The following SLCO3A1 variants were observed in gnomAD, a reference collection of about 807,000 sequenced individuals.
The protein encoded by SLCO3A1 is PGE1 transporter.
In SLCO3A1, 27 loss-of-function variants were observed where a neutral mutation model predicts 63.1. The observed-to-expected ratio is 0.43, with a 90% confidence interval of 0.32 to 0.59. SLCO3A1 has a LOEUF of 0.59. SLCO3A1 is among the 20% of genes least tolerant of loss of function. The probability of loss-of-function intolerance (pLI) is 0.09; values close to 1 mark genes in which losing one functional copy is unlikely to be tolerated. For missense variants in SLCO3A1, 773 were observed against 945.8 expected (o/e 0.82, Z 2.40); for synonymous variants, 473 against 409.9 (o/e 1.15, Z -1.86).
At chr15:92,066,719 C>T (rs540050454) in intron 2 of SLCO3A1, among the ~76,000 whole-genome samples, 10 of 152,316 alleles carry the variant, frequency 6.6e-5, no homozygotes, top group Admixed American at 4.6e-4. Context: ...ACCGCACGGA[C>T]TGTGCTCAGC....
At chr15:92,111,291 T>C (rs1290067346) in intron 4 of SLCO3A1, among the ~76,000 whole-genome samples, 1 of 152,166 alleles carries the variant, frequency 6.6e-6, no homozygotes, top group African/African-American at 2.4e-5. Context: ...TTCTGCTATG[T>C]TTTTCTTAAT....
At chr15:91,890,335 A>G (rs971131454) in intron 1 of SLCO3A1, among the ~76,000 whole-genome samples, 1 of 152,166 alleles carries the variant, frequency 6.6e-6, no homozygotes, top group African/African-American at 2.4e-5. Flanking sequence ...TGTATTTTTA[A>G]GTAAGTTGCC....
chr15:92,139,813 G>A (rs916372514), intron 7 of SLCO3A1, among the ~76,000 whole-genome samples: 3 of 150,696 alleles, frequency 2.0e-5, no homozygotes, highest in Non-Finnish European at 4.4e-5. Flanking sequence ...CTGGGGGATC[G>A]GTGGTGATAT....
chr15:91,995,701 A>G (rs375839241), intron 2 of SLCO3A1, among the ~76,000 whole-genome samples: 7 of 151,800 alleles, frequency 4.6e-5, no homozygotes, highest in African/African-American at 9.7e-5. Context: ...CCCTGGAGGA[A>G]AAAAGTTATA....
intron 2 of SLCO3A1, among the ~76,000 whole-genome samples, chr15:91,929,577 C>T (rs1471402408): frequency 6.6e-6 from 1 of 152,196 alleles, no homozygotes; most frequent in Non-Finnish European, 1.5e-5. Flanking sequence ...AGGTCACCAT[C>T]TTAACCATTT....
chr15:92,105,901 G>T lies in SLCO3A1; in HGVS notation c.1009+1359G>T, dbSNP rs914022473. The stretch of plus-strand genomic sequence containing the variant: ...GAAAGTCTGTTTACTAAACTTCTGT[G>T]TAACAATGTGCGCCTTCTATAGAGA... On this transcript the variant is annotated intron_variant, in intron 4 of 9. Coordinates refer to ENST00000318445, the MANE Select transcript of SLCO3A1 (RefSeq NM_013272.4). Among the ~76,000 whole-genome samples the T allele has an allele frequency of 1.1e-4, 16 of 152,144 alleles. 1 individual carries two copies. Among genetic ancestry groups the T allele is most frequent in the Admixed American group, 1.0e-3 (16 of 15,282 alleles).
At chr15:91,876,772 C>G (rs1030076483) in intron 1 of SLCO3A1, among the ~76,000 whole-genome samples, 9 of 152,226 alleles carry the variant, frequency 5.9e-5, no homozygotes, top group Non-Finnish European at 1.0e-4. Flanking sequence ...TGCACAGCAC[C>G]TCACAGGTGA....
intron 1 of SLCO3A1, among the ~76,000 whole-genome samples, chr15:91,914,657 C>T (rs1021462367): frequency 4.0e-5 from 6 of 151,530 alleles, no homozygotes; most frequent in African/African-American, 1.5e-4. Flanking sequence ...GCAACCGCCG[C>T]CTCCAGGGTT....
At chr15:92,157,033 C>T (rs1483956778) in intron 9 of SLCO3A1, 2 of 152,210 alleles carry the variant, frequency 1.3e-5, no homozygotes, top group East Asian at 3.8e-4. Flanking sequence ...TGTTCTTAAA[C>T]TGTGCAGCAA....
intron 6 of SLCO3A1, among the ~76,000 whole-genome samples, chr15:92,126,994 C>T (rs946200834): frequency 7.2e-5 from 11 of 152,220 alleles, no homozygotes; most frequent in African/African-American, 1.7e-4. Flanking sequence ...AAGCAGACCA[C>T]GAGGCCTGCT....
chr15:92,072,127 G>A (rs1003620644), intron 2 of SLCO3A1, among the ~76,000 whole-genome samples: 2 of 152,012 alleles, frequency 1.3e-5, no homozygotes, highest in African/African-American at 4.8e-5. Context: ...GGATTTGGAT[G>A]GTGCAAAATG....
chr15:91,875,551 C>T lies in SLCO3A1; in HGVS notation c.180+21463C>T, dbSNP rs746489396. On this transcript the variant is annotated intron_variant, in intron 1 of 9. Coordinates refer to ENST00000318445, the MANE Select transcript of SLCO3A1 (RefSeq NM_013272.4). The surrounding 1 kb of genome is among the most constrained non-coding windows in gnomAD (Gnocchi z 4.5). Reference sequence around the variant, plus strand: ...ACCTGCCACAGAGGGCTCTCCTGAGCGTGAAAGGAGTTACTGCCTGGGAAG... The same window carrying T: ...ACCTGCCACAGAGGGCTCTCCTGAGTGTGAAAGGAGTTACTGCCTGGGAAG... Among the ~76,000 whole-genome samples the T allele has an allele frequency of 3.9e-5, 6 of 152,210 alleles. No individual in the cohort carries two copies. Among genetic ancestry groups the T allele is most frequent in the Non-Finnish European group, 2.9e-5 (2 of 68,036 alleles).
intron 1 of SLCO3A1, among the ~76,000 whole-genome samples, chr15:91,878,332 G>A (rs780467964): frequency 3.3e-5 from 5 of 152,056 alleles, no homozygotes; most frequent in African/African-American, 7.2e-5. Context: ...CGCCCACCTC[G>A]GCTTCCCAAA....
chr15:92,025,477 A>ACTGCTG (rs929598958), intron 2 of SLCO3A1, among the ~76,000 whole-genome samples: 1 of 152,066 alleles, frequency 6.6e-6, no homozygotes, highest in Non-Finnish European at 1.5e-5. Context: ...CACTACTACT[A>ACTGCTG]CTGCTGCTGC....
chr15:91,895,324 T>A (rs760514994), intron 1 of SLCO3A1, among the ~76,000 whole-genome samples: 54 of 152,292 alleles, frequency 3.5e-4, no homozygotes, highest in Middle Eastern at 3.4e-3. Flanking sequence ...CCAAAGTGGT[T>A]CCTCTAGCTG....
intron 2 of SLCO3A1, among the ~76,000 whole-genome samples, chr15:92,042,399 G>A (rs1004632597): frequency 3.3e-5 from 5 of 152,182 alleles, no homozygotes; most frequent in African/African-American, 9.7e-5. Flanking sequence ...ATGCCGTCTA[G>A]AAAATGATTT....
At chr15:92,111,798 T>G (rs1243128082) in intron 4 of SLCO3A1, among the ~76,000 whole-genome samples, 1 of 152,122 alleles carries the variant, frequency 6.6e-6, no homozygotes, top group East Asian at 1.9e-4. Context: ...AGGAAATAAT[T>G]AGAAGGCAGC....
At chr15:92,125,679 A>T (rs1358300823) in intron 5 of SLCO3A1, among the ~76,000 whole-genome samples, 1 of 151,936 alleles carries the variant, frequency 6.6e-6, no homozygotes, top group African/African-American at 2.4e-5. Context: ...CATCTCAAAA[A>T]TGCTCACAGA....
intron 2 of SLCO3A1, among the ~76,000 whole-genome samples, chr15:92,053,629 T>C (rs1210950511): frequency 6.6e-6 from 1 of 152,072 alleles, no homozygotes; most frequent in Non-Finnish European, 1.5e-5. Flanking sequence ...TGAGGAGTAC[T>C]GGTTAGGGGT....
Sources: gnomAD v4.1 joint callset for allele counts (sites outside exome capture counted in the v4.1 genomes callset) on GRCh38, gnomAD v4.1.1 for gene constraint, Gnocchi (gnomAD v3.1) non-coding constraint, MANE v1.5 for transcripts, NCBI Gene and HGNC (gene_info 2026-07-23, HGNC 2026-07-21) for gene names.